The following RNF10 variants were observed in gnomAD, a reference collection of about 807,000 sequenced individuals.
RNF10 encodes E3 ubiquitin-protein ligase RNF10.
A neutral mutation model predicts 91.4 loss-of-function variants in RNF10; 38 were observed. The observed-to-expected ratio is 0.42, with a 90% CI of 0.32 to 0.54. The LOEUF (loss-of-function observed/expected upper bound fraction) is 0.54. RNF10 is among the 20% of genes least tolerant of loss of function. The pLI is 0.16. For synonymous variants in RNF10, 364 were observed against 366.3 expected (o/e 0.99, Z 0.07); for missense variants, 945 against 1,012.0 (o/e 0.93, Z 0.90).
intron 1 of RNF10, among the ~76,000 whole-genome samples, chr12:120,538,453 C>T (rs59055537): frequency 0.03 from 4,511 of 152,306 alleles, 229 homozygotes; most frequent in African/African-American, 0.1. Flanking sequence ...GCTAGAGTCG[C>T]ATACCACAGT....
intron 2 of RNF10, among the ~76,000 whole-genome samples, chr12:120,547,301 T>C (rs1404159657): frequency 1.3e-5 from 2 of 152,186 alleles, no homozygotes; most frequent in Admixed American, 1.3e-4. Flanking sequence ...TATGGTTGTT[T>C]TAAGATGGTC....
At chr12:120,566,252 C>T (rs979331133) in intron 12 of RNF10, among the ~76,000 whole-genome samples, 2 of 152,096 alleles carry the variant, frequency 1.3e-5, no homozygotes, top group African/African-American at 2.4e-5. Flanking sequence ...TTTTTGTTTT[C>T]ACCTTTTTAT....
intron 14 of RNF10, chr12:120,574,832 A>C: frequency 4.5e-6 from 1 of 222,758 alleles, no homozygotes; most frequent in East Asian, 1.3e-4. Context: ...AGGATGAGGC[A>C]GGAGAATCAC....
At chr12:120,571,129 C>G in intron 13 of RNF10, 62 bp from the exon 14 acceptor site, 5 of 1,129,484 alleles carry the variant, frequency 4.4e-6, no homozygotes, top group Non-Finnish European at 6.6e-6. Context: ...TCACTCATCT[C>G]TCTTGTTAAG....
rs918847007 is a variant in RNF10, at chr12:120,534,599, C to T, written c.-213C>T. ...CCGGACTCCCGAGCCCCGGCCTCCT[C>T]GTCCTCGGTCGCCGCTGCCGCCGGG... On this transcript the variant is annotated 5_prime_UTR_variant, in exon 1 of 17. Transcript: ENST00000325954. The T allele has an allele frequency of 1.3e-5, 16 of 1,186,664 alleles. No individual in the cohort carries two copies. The Middle Eastern group carries it at 7.3e-4, about 54-fold the overall frequency. 73.5% of individuals were successfully genotyped at this position (1,186,664 alleles called of 1,614,324 possible). A position where few individuals can be genotyped will look rare whatever the true frequency, so the allele number is the denominator to read the frequency against.
intron 2 of RNF10, among the ~76,000 whole-genome samples, chr12:120,551,518 T>C (rs952372803): frequency 1.3e-5 from 2 of 151,012 alleles, no homozygotes; most frequent in African/African-American, 4.9e-5. Context: ...AGGCTGGTCT[T>C]GAACTCCTGA....
chr12:120,560,612 TA>T, intron 6 of RNF10, 113 bp from the exon 7 acceptor site: 1 of 966,646 alleles, frequency 1.0e-6, no homozygotes, highest in Non-Finnish European at 1.5e-6. Context: ...GAAATCATGC[TA>T]AATTACCCCA....
rs535624740 is a variant in RNF10, at chr12:120,563,656, G to A, written c.1531+33G>A. On this transcript the variant is annotated intron_variant, in intron 9 of 16. Transcript: ENST00000325954. ...TGCCGGAAGAGAGGGCTGGGTTGCC[G>A]CAGAGGTGTTTCAGAGGTGACCCGG... 22 of 1,573,882 alleles carry A rather than the reference G, an allele frequency of 1.4e-5. No individual in the cohort carries two copies. The South Asian group carries it at 2.3e-4, about 16-fold the overall frequency.
chr12:120,564,938 G>A (rs2137236201), intron 10 of RNF10, 134 bp from the exon 11 acceptor site: 2 of 677,666 alleles, frequency 3.0e-6, no homozygotes, highest in Non-Finnish European at 5.3e-6. Context: ...TCAAAATGAG[G>A]ATAATTGAGC....
chr12:120,540,835 C>CT (rs1462937269), intron 1 of RNF10, among the ~76,000 whole-genome samples: 2 of 148,114 alleles, frequency 1.4e-5, no homozygotes, highest in Middle Eastern at 3.5e-3. Context: ...AGCCTTCTTG[C>CT]TGAGTGCCAG....
intron 13 of RNF10, among the ~76,000 whole-genome samples, chr12:120,570,481 G>A (rs1472856197): frequency 2.6e-5 from 4 of 152,080 alleles, no homozygotes; most frequent in Admixed American, 6.6e-5. Flanking sequence ...CACCGCACCC[G>A]GCTTTTCTGA....
intron 10 of RNF10, among the ~76,000 whole-genome samples, chr12:120,564,490 T>C (rs1280124344): frequency 6.6e-6 from 1 of 152,084 alleles, no homozygotes; most frequent in Non-Finnish European, 1.5e-5. Flanking sequence ...CTGGGTATGA[T>C]GATGTGCACC....
At chr12:120,541,457 C>T (rs1366146448) in intron 1 of RNF10, among the ~76,000 whole-genome samples, 5 of 133,418 alleles carry the variant, frequency 3.7e-5, no homozygotes, top group Non-Finnish European at 6.4e-5. Context: ...TTTTTTGAGA[C>T]GGAGTCTCAC....
In RNF10 at chr12:120,565,499, G is replaced by C; in HGVS notation, c.1855G>C (p.Glu619Gln). 2.5e-6 allele frequency: 4 copies of C among 1,614,090 alleles called. No individual in the cohort carries two copies. Among genetic ancestry groups the C allele is most frequent in the Non-Finnish European group, 2.5e-6 (3 of 1,180,012 alleles). ...GGAACGCCGCCGAGAGCGCAGGATT[G>C]AGATAGAGGAGAACAAGAAACAGGG... ...REERRRERRI[E>Q]IEENKKQGKY... The change falls in exon 12 of 17, where the codon GAG becomes CAG. Residue 619 changes from glutamate (E) to glutamine (Q), a missense_variant. Glu to Gln is a conservative substitution (Grantham distance 29). Transcript: ENST00000325954.
At chr12:120,562,766 G>A (rs1165724401) in intron 7 of RNF10, among the ~76,000 whole-genome samples, 179 bp from the exon 8 acceptor site, 1 of 152,186 alleles carries the variant, frequency 6.6e-6, no homozygotes, top group East Asian at 1.9e-4. Flanking sequence ...GGTATTGCAT[G>A]CTTTTTGCTT....
intron 4 of RNF10, among the ~76,000 whole-genome samples, chr12:120,556,262 C>T (rs965789708): frequency 3.3e-5 from 5 of 151,494 alleles, no homozygotes; most frequent in African/African-American, 9.7e-5. Flanking sequence ...TCGCCGGGCG[C>T]GGTGGCTCAC....
Position 120,557,351 on chromosome 12 carries a change from C to T in RNF10, c.715C>T (p.Arg239Cys), listed in dbSNP as rs748613259. The change falls in exon 5 of 17, where the codon CGT becomes TGT. Residue 239 changes from arginine to cysteine, a missense_variant. Physicochemically the swap from Arg to Cys is radical, Grantham distance 180. Transcript: ENST00000325954. ...LYPPTAAKIT[R>C]CGHIFCWACI... ...TCCACCTACTGCAGCCAAGATAACCCGTTGTGGACACATCTTCTGCTGGGC... is the reference window on the plus strand; with the variant it reads ...TCCACCTACTGCAGCCAAGATAACCTGTTGTGGACACATCTTCTGCTGGGC... 14 of 1,614,014 alleles carry T rather than the reference C, an allele frequency of 8.7e-6. No homozygotes were observed. Among genetic ancestry groups the T allele is most frequent in the East Asian group, 2.2e-5 (1 of 44,888 alleles).
chr12:120,535,651 T>C (rs927190440), intron 1 of RNF10: 9 of 152,250 alleles, frequency 5.9e-5, no homozygotes, highest in Non-Finnish European at 1.3e-4. Context: ...TCTTAGGATA[T>C]CTGGCGTCTA....
chr12:120,571,393 T>C, intron 14 of RNF10, 102 bp downstream of exon 14: 1 of 874,106 alleles, frequency 1.1e-6, no homozygotes, highest in Non-Finnish European at 1.9e-6. Context: ...CTCATTCTAA[T>C]ACGGCTGGAC....
Sources: allele counts gnomAD v4.1 joint callset (sites outside exome capture counted in the v4.1 genomes callset), GRCh38; gene constraint gnomAD v4.1.1; transcripts MANE v1.5; gene names NCBI Gene and HGNC (gene_info 2026-07-23, HGNC 2026-07-21).